Variants in PRKD1 observed in about 807,000 individuals in gnomAD.
PRKD1 encodes the protein protein kinase D1.
Under a neutral mutation model 95.9 loss-of-function variants are expected in PRKD1, and 63 were observed. That is an observed-to-expected ratio of 0.66 (90% confidence interval 0.54 to 0.81). PRKD1 has a LOEUF of 0.81. PRKD1 is among the 30% of genes least tolerant of loss of function. The pLI is 0.00. For missense variants in PRKD1, 1,048 were observed against 1,165.3 expected (o/e 0.90, Z 1.47); for synonymous variants, 425 against 423.1 (o/e 1.00, Z -0.05).
chr14:29,857,049 G>A (rs1163205154), intron 1 of PRKD1, among the ~76,000 whole-genome samples: 2 of 152,126 alleles, frequency 1.3e-5, no homozygotes, highest in African/African-American at 4.8e-5. Flanking sequence ...GTAATCTGGG[G>A]CAAATATCTT....
At chr14:29,740,053 T>C (rs1368813670) in intron 1 of PRKD1, among the ~76,000 whole-genome samples, 1 of 152,190 alleles carries the variant, frequency 6.6e-6, no homozygotes, top group Non-Finnish European at 1.5e-5. Context: ...TATTGTTGTG[T>C]AAAAACATAT....
intron 1 of PRKD1, among the ~76,000 whole-genome samples, chr14:29,916,021 CA>C (rs1894876878): frequency 6.6e-6 from 1 of 152,168 alleles, no homozygotes; most frequent in South Asian, 2.1e-4. Flanking sequence ...GATTGGCACA[CA>C]AAGTAAATGT....
intron 1 of PRKD1, among the ~76,000 whole-genome samples, chr14:29,896,998 A>AT (rs1186735628): frequency 6.6e-6 from 1 of 151,720 alleles, no homozygotes; most frequent in African/African-American, 2.4e-5. Context: ...AAAATTTATA[A>AT]TTTTTTCATA....
chr14:29,693,026 G>A (rs907555108), intron 2 of PRKD1, among the ~76,000 whole-genome samples: 1 of 151,664 alleles, frequency 6.6e-6, no homozygotes, highest in African/African-American at 2.4e-5. Context: ...AATACAATGC[G>A]TGATGTATTT....
intron 1 of PRKD1, among the ~76,000 whole-genome samples, chr14:29,887,588 A>G (rs1327008511): frequency 6.6e-6 from 1 of 152,224 alleles, no homozygotes; most frequent in African/African-American, 2.4e-5. Context: ...ATCCAGAAGA[A>G]TAAGATTTCA....
At chr14:29,586,593 T>A (rs1892938077) in intron 16 of PRKD1, among the ~76,000 whole-genome samples, 1 of 152,178 alleles carries the variant, frequency 6.6e-6, no homozygotes, top group Non-Finnish European at 1.5e-5. Flanking sequence ...CTAACAGAAA[T>A]GTGTACTTTG....
In PRKD1 at chr14:29,878,155, G is replaced by A. The variant is rs954531706; in HGVS notation, c.264+49094C>T. ...AGACACTGGAGCCTACTTAAGGGTGGAGGGTGGACAGAGGGAGAGGATCAG... is the reference window on the plus strand; with the variant it reads ...AGACACTGGAGCCTACTTAAGGGTGAAGGGTGGACAGAGGGAGAGGATCAG... On this transcript the variant is annotated intron_variant, in intron 1 of 17. Coordinates refer to ENST00000331968, the MANE Select transcript of PRKD1 (RefSeq NM_002742.3). Among the ~76,000 whole-genome samples the A allele has an allele frequency of 2.6e-5, 4 of 152,110 alleles. No homozygotes were observed. The South Asian group carries it at 8.3e-4, about 32-fold the overall frequency.
intron 16 of PRKD1, among the ~76,000 whole-genome samples, chr14:29,579,950 A>G (rs1158374984): frequency 6.6e-6 from 1 of 152,122 alleles, no homozygotes; most frequent in African/African-American, 2.4e-5. Context: ...ATATCCATTC[A>G]CATGATTTAC....
intron 1 of PRKD1, among the ~76,000 whole-genome samples, chr14:29,766,817 A>G (rs1014579054): frequency 6.6e-5 from 10 of 152,100 alleles, no homozygotes; most frequent in African/African-American, 2.4e-4. Context: ...GAGGAACAAA[A>G]CAAAAACTTT....
At chr14:29,623,492 T>C (rs1278605654) in intron 13 of PRKD1, among the ~76,000 whole-genome samples, 1 of 152,232 alleles carries the variant, frequency 6.6e-6, no homozygotes, top group East Asian at 1.9e-4. Context: ...AATTTATCAA[T>C]GATCTCAACT....
chr14:29,659,958 A>G (rs1013694592), intron 4 of PRKD1, among the ~76,000 whole-genome samples: 18 of 152,180 alleles, frequency 1.2e-4, no homozygotes, highest in Admixed American at 2.6e-4. Context: ...TGCCCAATTT[A>G]TCAATCTTTT....
At chr14:29,839,131 G>T (rs1891728773) in intron 1 of PRKD1, among the ~76,000 whole-genome samples, 1 of 152,094 alleles carries the variant, frequency 6.6e-6, no homozygotes, top group Non-Finnish European at 1.5e-5. Context: ...AATTGAAGAA[G>T]ACTGATGATT....
At chr14:29,854,484 A>T (rs1892423334) in intron 1 of PRKD1, among the ~76,000 whole-genome samples, 1 of 152,232 alleles carries the variant, frequency 6.6e-6, no homozygotes, top group Non-Finnish European at 1.5e-5. Flanking sequence ...ATTTCTAAGC[A>T]GCAAAGCATT....
intron 4 of PRKD1, among the ~76,000 whole-genome samples, chr14:29,648,749 G>C (rs181692084): frequency 6.6e-6 from 1 of 152,146 alleles, no homozygotes; most frequent in Non-Finnish European, 1.5e-5. Flanking sequence ...CTGCCTCCTG[G>C]GTTCATGCCA....
At chr14:29,713,902 G>A (rs1041589079) in intron 2 of PRKD1, among the ~76,000 whole-genome samples, 4 of 152,108 alleles carry the variant, frequency 2.6e-5, no homozygotes, top group Admixed American at 6.6e-5. Flanking sequence ...GCTAGTAAAC[G>A]TGGCAGCTAC....
intron 1 of PRKD1, among the ~76,000 whole-genome samples, chr14:29,746,012 A>G (rs748743826): frequency 6.6e-6 from 1 of 152,150 alleles, no homozygotes; most frequent in Non-Finnish European, 1.5e-5. Flanking sequence ...AGCAGTATTT[A>G]TTTTTAGAAA....
At chr14:29,853,286 T>C (rs1387922972) in intron 1 of PRKD1, among the ~76,000 whole-genome samples, 1 of 152,246 alleles carries the variant, frequency 6.6e-6, no homozygotes, top group Non-Finnish European at 1.5e-5. Context: ...ATAACTTTAC[T>C]GCAATAATGC....
intron 16 of PRKD1, among the ~76,000 whole-genome samples, chr14:29,583,172 C>T (rs1892804845): frequency 6.6e-6 from 1 of 152,108 alleles, no homozygotes; most frequent in South Asian, 2.1e-4. Context: ...TACCCTGTAC[C>T]TCCTTCTATA....
At chr14:29,668,055 T>A (rs953245143) in intron 2 of PRKD1, among the ~76,000 whole-genome samples, 1 of 152,152 alleles carries the variant, frequency 6.6e-6, no homozygotes, top group Non-Finnish European at 1.5e-5. Context: ...AATTTTAGAA[T>A]AATTAAATAC....
Sources: allele counts gnomAD v4.1 joint callset (sites outside exome capture counted in the v4.1 genomes callset), GRCh38; gene constraint gnomAD v4.1.1; transcripts MANE v1.5; gene names NCBI Gene and HGNC (gene_info 2026-07-23, HGNC 2026-07-21).